ESR1: variants seen among roughly 807,000 people sequenced by gnomAD.
The protein encoded by ESR1 is estrogen receptor.
A neutral mutation model predicts 52.7 loss-of-function variants in ESR1; 12 were observed. The observed-to-expected ratio is 0.23, with a 90% CI of 0.15 to 0.37. The LOEUF (loss-of-function observed/expected upper bound fraction) is 0.37. ESR1 is among the 10% of genes least tolerant of loss of function. The pLI is 1.00. For missense variants in ESR1, 584 were observed against 779.7 expected (o/e 0.75, Z 2.99); for synonymous variants, 305 against 316.8 (o/e 0.96, Z 0.39).
chr6:151,774,798 G>A (rs1785814408), intron 2 of ESR1, among the ~76,000 whole-genome samples: 1 of 152,258 alleles, frequency 6.6e-6, no homozygotes, highest in South Asian at 2.1e-4. Context: ...AAAAACTTGG[G>A]ACTTGAAGAC....
intron 4 of ESR1, among the ~76,000 whole-genome samples, chr6:151,958,993 T>TGTGTGTGTGTGTGTGTGTGTGTGC (rs1437735036): frequency 2.6e-5 from 4 of 151,896 alleles, no homozygotes; most frequent in East Asian, 3.9e-4. Flanking sequence ...TGTGTGTGTG[T>TGTGTGTGTGTGTGTGTGTGTGTGC]GCGTGTGTGT....
chr6:152,008,881 T>G (rs2042544029), intron 4 of ESR1, among the ~76,000 whole-genome samples: 3 of 152,092 alleles, frequency 2.0e-5, no homozygotes, highest in Admixed American at 2.0e-4. Flanking sequence ...GGTGAAATCT[T>G]AAAGAATTAT....
chr6:151,944,513 G>A lies in ESR1; in HGVS notation c.1096+5G>A, dbSNP rs2128529843. 1 of 1,613,882 alleles carries A rather than the reference G, an allele frequency of 6.2e-7. No homozygotes were observed. The highest frequency in any genetic ancestry group is 1.1e-5 in the South Asian group (1 of 91,076). On this transcript the variant is annotated splice_donor_5th_base_variant and intron_variant, in intron 4 of 7. Transcript: ENST00000206249. ...ACTGGGCGAAGAGGGTGCCAGGTAA[G>A]AATGCGAAGCGCAGCTTTTAAGAGT... is the stretch of plus-strand genomic sequence containing the variant.
intron 3 of ESR1, among the ~76,000 whole-genome samples, chr6:151,882,557 T>C (rs752574429): frequency 6.6e-6 from 1 of 152,206 alleles, no homozygotes; most frequent in Non-Finnish European, 1.5e-5. Flanking sequence ...GACAGGAATA[T>C]AACAGCTGCA....
At chr6:151,817,119 C>T (rs1226892302) in intron 1 of ESR1, among the ~76,000 whole-genome samples, 1 of 152,110 alleles carries the variant, frequency 6.6e-6, no homozygotes, top group African/African-American at 2.4e-5. Context: ...ACTTAGGGAG[C>T]ATCTACAAGG....
intron 4 of ESR1, among the ~76,000 whole-genome samples, chr6:152,001,242 C>T (rs1017255782): frequency 4.0e-5 from 6 of 151,898 alleles, no homozygotes; most frequent in Admixed American, 3.9e-4. Flanking sequence ...ATCCTAGAGG[C>T]TGGGAGGTTC....
At chr6:151,848,244 C>T (rs1368338321) in intron 2 of ESR1, among the ~76,000 whole-genome samples, 17 of 105,864 alleles carry the variant, frequency 1.6e-4, no homozygotes, top group African/African-American at 5.3e-4. Context: ...AACCAAACAC[C>T]GCATATTCTC....
Position 151,979,430 on chromosome 6 carries a change from A to G in ESR1, c.1097-32226A>G, listed in dbSNP as rs529266225. 3.9e-5 allele frequency among the ~76,000 whole-genome samples: 6 copies of G among 152,252 alleles called. No individual in the cohort carries two copies. The East Asian group carries it at 1.2e-3, about 29-fold the overall frequency. On this transcript the variant is annotated intron_variant, in intron 4 of 7. Transcript: ENST00000206249. ...AATATACAACATTTCCTCCTTTATT[A>G]TTTTATTGATGACTTGATATGTTTT...
intron 1 of ESR1, among the ~76,000 whole-genome samples, chr6:151,657,290 T>C (rs1400260543): frequency 2.0e-5 from 3 of 152,142 alleles, no homozygotes; most frequent in Non-Finnish European, 4.4e-5. Context: ...AAAAGGGAAA[T>C]TAATTAAACT....
At chr6:151,978,970 T>C (rs2039725687) in intron 4 of ESR1, among the ~76,000 whole-genome samples, 1 of 152,194 alleles carries the variant, frequency 6.6e-6, no homozygotes, top group Admixed American at 6.5e-5. Context: ...AATGATACTG[T>C]CTAATTTGAA....
chr6:151,988,717 C>T (rs1335638126), intron 4 of ESR1, among the ~76,000 whole-genome samples: 2 of 151,928 alleles, frequency 1.3e-5, no homozygotes, highest in South Asian at 2.1e-4. Flanking sequence ...ACGTGTACTC[C>T]AGAGCTTAAA....
intron 6 of ESR1, among the ~76,000 whole-genome samples, chr6:152,093,250 G>A (rs149075771): frequency 1.3e-5 from 2 of 151,706 alleles, no homozygotes; most frequent in African/African-American, 4.8e-5. Flanking sequence ...ACTCCAGCCT[G>A]GGCGGCAGAG....
At position 152,094,075 on chromosome 6, in the gene ESR1, T is replaced by A. The variant is rs2050420581; in HGVS notation, c.1370-310T>A. Among the ~76,000 whole-genome samples the A allele has an allele frequency of 6.6e-6, 1 of 152,232 alleles. No individual in the cohort carries two copies. The highest frequency in any genetic ancestry group is 2.4e-5 in the African/African-American group (1 of 41,464). On this transcript the variant is annotated intron_variant, in intron 6 of 7. Coordinates refer to ENST00000206249, the MANE Select transcript of ESR1 (RefSeq NM_000125.4). This position sits in a 1 kb window ranked among gnomAD's most constrained non-coding sequence, Gnocchi z 4.6. ...TCAATTACATTACATGGACAATTCA[T>A]GATGGTGTCAGACCTGTCTGAGAAA...
intron 3 of ESR1, among the ~76,000 whole-genome samples, chr6:151,891,951 T>C (rs1358125657): frequency 1.3e-5 from 2 of 152,142 alleles, no homozygotes; most frequent in Non-Finnish European, 2.9e-5. Flanking sequence ...ATATTTAATA[T>C]AATTTAAAAG....
chr6:152,022,834 G>T (rs113125011), intron 5 of ESR1, among the ~76,000 whole-genome samples: 2 of 151,698 alleles, frequency 1.3e-5, no homozygotes, highest in African/African-American at 4.8e-5. Flanking sequence ...AAAATTAGCC[G>T]GGCTTGGTGG....
chr6:152,117,040 C>T (rs1275210047), intron 6 of ESR1, among the ~76,000 whole-genome samples: 2 of 152,138 alleles, frequency 1.3e-5, no homozygotes, highest in African/African-American at 4.8e-5. Flanking sequence ...GAAGCCCAGC[C>T]CTAGGGCTGA....
chr6:152,042,835 G>A (rs78749285), intron 5 of ESR1, among the ~76,000 whole-genome samples: 4 of 152,286 alleles, frequency 2.6e-5, no homozygotes, highest in East Asian at 1.9e-4. Flanking sequence ...TCTGATTGTT[G>A]CCTTGCCTCC....
chr6:152,057,087 T>G (rs981765045), intron 5 of ESR1, among the ~76,000 whole-genome samples: 2 of 152,138 alleles, frequency 1.3e-5, no homozygotes, highest in Admixed American at 6.6e-5. Flanking sequence ...ACTTTGAAAA[T>G]GAAGCCCTGA....
At chr6:151,999,205 G>T (rs1439802064) in intron 4 of ESR1, among the ~76,000 whole-genome samples, 2 of 152,038 alleles carry the variant, frequency 1.3e-5, no homozygotes, top group Non-Finnish European at 2.9e-5. Context: ...AACAGATTTT[G>T]CTATCACTTA....
Sources: allele counts gnomAD v4.1 joint callset (sites outside exome capture counted in the v4.1 genomes callset), GRCh38; gene constraint gnomAD v4.1.1; non-coding constraint Gnocchi (gnomAD v3.1); transcripts MANE v1.5; gene names NCBI Gene and HGNC (gene_info 2026-07-23, HGNC 2026-07-21).